The following AREL1 variants were observed in gnomAD, a reference collection of about 807,000 sequenced individuals.
The protein encoded by AREL1 is apoptosis resistant E3 ubiquitin protein ligase 1.
AREL1 carries 62 observed loss-of-function variants against 99.0 expected under a neutral mutation model. That is an observed-to-expected ratio of 0.63 (90% CI 0.51 to 0.77). AREL1 has a LOEUF of 0.77. AREL1 is among the 30% of genes least tolerant of loss of function. The probability of loss-of-function intolerance (pLI) is 0.00; values close to 1 mark genes in which losing one functional copy is unlikely to be tolerated. For synonymous variants in AREL1, 380 were observed against 376.5 expected (o/e 1.01, Z -0.11); for missense variants, 879 against 1,027.6 (o/e 0.86, Z 1.98).
intron 1 of AREL1, among the ~76,000 whole-genome samples, chr14:74,694,913 C>T (rs981427070): frequency 4.7e-5 from 7 of 147,488 alleles, no homozygotes; most frequent in African/African-American, 1.3e-4. Context: ...GGTGTGAACC[C>T]GGGAGGCGGA....
rs780533710 is a variant in AREL1, at chr14:74,664,009, C to T, written c.2259G>A (p.Gln753=). ...GTAGCTGAGAGGAGCCTGTTGTGAA[C>T]TGAAGTAGCCGAGCCAACTCCTCCT... ...LTQEELARLL[Q]FTTGSSQLPP... is the part of the protein sequence containing the mutation. Residue 753 remains glutamine (Q), a synonymous_variant, in exon 19 of 20, where the codon CAG becomes CAA. Coordinates refer to ENST00000356357, the MANE Select transcript of AREL1 (RefSeq NM_001039479.2). 1.2e-6 allele frequency: 2 copies of T among 1,614,188 alleles called. No individual in the cohort carries two copies. The highest frequency in any genetic ancestry group is 1.7e-6 in the Non-Finnish European group (2 of 1,180,028).
rs78780006 is a variant in AREL1 at position 74,677,817 on chromosome 14, T to TA, written c.482-1066dup. ...TGCCCAGCTAACCCTGTCTCTTTATTAAAAAAAAAAAAAAGAGGAAAAAAC... is the reference window on the plus strand; with the variant it reads ...TGCCCAGCTAACCCTGTCTCTTTATTAAAAAAAAAAAAAAAGAGGAAAAAAC... On this transcript the variant is annotated intron_variant, in intron 5 of 19. Transcript: ENST00000356357. 8.9e-3 allele frequency among the ~76,000 whole-genome samples: 1,214 copies of TA among 136,182 alleles called. 16 individuals are homozygous for TA. Among genetic ancestry groups the TA allele is most frequent in the African/African-American group, 0.022 (828 of 37,124 alleles). 89.3% of individuals were successfully genotyped at this position (136,182 alleles called of 152,430 possible).
chr14:74,688,184 C>A (rs2089791173), intron 2 of AREL1, among the ~76,000 whole-genome samples: 1 of 151,882 alleles, frequency 6.6e-6, no homozygotes, highest in African/African-American at 2.4e-5. Flanking sequence ...TGCCACCATG[C>A]CCAGCTAATT....
rs2089296615 is a variant in AREL1 at position 74,670,006 on chromosome 14, G to T, written c.1729C>A (p.Arg577=). 1 of 1,613,902 alleles carries T rather than the reference G, an allele frequency of 6.2e-7. No homozygotes were observed. The change falls in exon 14 of 20, where the codon CGA becomes AGA. Residue 577 remains arginine, a synonymous_variant. Transcript: ENST00000356357. ...AGGAAAGAGCGGGTGAAGCGAGCTC[G>T]GACCAACTGCTTGTAGGCTCCTCCT... ...SLGGAYKQLV[R]ARFTRSFLAQ...
At chr14:74,679,978 C>T (rs943741828) in intron 5 of AREL1, among the ~76,000 whole-genome samples, 3 of 151,776 alleles carry the variant, frequency 2.0e-5, no homozygotes, top group African/African-American at 7.3e-5. Flanking sequence ...GATTTCGAGA[C>T]CTGCCTGGCC....
Position 74,675,680 on chromosome 14 carries a change from C to T in AREL1, c.1080+19G>A, listed in dbSNP as rs764980029. 5 of 1,607,500 alleles carry T rather than the reference C, an allele frequency of 3.1e-6. No homozygotes were observed. The highest frequency in any genetic ancestry group is 2.2e-5 in the East Asian group (1 of 44,756). On this transcript the variant is annotated intron_variant, in intron 8 of 19. Transcript: ENST00000356357. ...AGGTTCAAGCAGGGGGATTTTATGT[C>T]GAGAATGGAAGGTCCAACCTTTGGT...
At position 74,661,605 on chromosome 14, in the gene AREL1, G is replaced by GA. The variant is rs34192596; in HGVS notation, c.*2114dup. 2,973 of 172,774 alleles carry GA rather than the reference G, an allele frequency of 0.017. 23 individuals are homozygous for GA. The highest frequency in any genetic ancestry group is 0.025 in the Non-Finnish European group (2,061 of 81,568). The allele number at this position is 172,774 out of a possible 1,614,324, so 10.7% of individuals were successfully genotyped here. ...ACTGGCTAGTATGAAAGCAGGATTAGAAAAAAAAAAAACAAAACAGTAAAA... is the reference window on the plus strand; with the variant it reads ...ACTGGCTAGTATGAAAGCAGGATTAGAAAAAAAAAAAAACAAAACAGTAAAA... On this transcript the variant is annotated 3_prime_UTR_variant, in exon 20 of 20. Coordinates refer to ENST00000356357, the MANE Select transcript of AREL1 (RefSeq NM_001039479.2).
At chr14:74,672,753 A>T in intron 11 of AREL1, 78 bp downstream of exon 11, 2 of 1,587,304 alleles carry the variant, frequency 1.3e-6, no homozygotes, top group East Asian at 2.2e-5. Flanking sequence ...AAACAAAAAC[A>T]AAAACAGTAA....
intron 1 of AREL1, among the ~76,000 whole-genome samples, chr14:74,698,347 A>C (rs927147239): frequency 7.2e-5 from 11 of 152,130 alleles, no homozygotes; most frequent in African/African-American, 2.4e-4. Context: ...AACACGTGTC[A>C]TTTATCTTCT....
chr14:74,686,901 A>C (rs17101964), intron 2 of AREL1, among the ~76,000 whole-genome samples: 1 of 152,174 alleles, frequency 6.6e-6, no homozygotes, highest in Non-Finnish European at 1.5e-5. Context: ...CAATATAAAG[A>C]GCCAAAATTT....
In AREL1 at chr14:74,675,927, G is replaced by A. The variant is rs371725347; in HGVS notation, c.852C>T (p.Val284=). 1.2e-5 allele frequency: 19 copies of A among 1,598,316 alleles called. No homozygotes were observed. The highest frequency in any genetic ancestry group is 5.4e-5 in the African/African-American group (4 of 74,594). ...CGCCTGAAGTGGACACATTGCGTTC[G>A]ACGATATTCTTCTCATCCTCTGAAG... ...IVLSEDEKNI[V]ERNVSTSGVS... Residue 284 remains valine, a synonymous_variant, in exon 8 of 20, where the codon GTC becomes GTT. Coordinates refer to ENST00000356357, the MANE Select transcript of AREL1 (RefSeq NM_001039479.2).
At chr14:74,671,348 G>GTTT in intron 12 of AREL1, 60 bp downstream of exon 12, 1 of 172,248 alleles carries the variant, frequency 5.8e-6, no homozygotes, top group Non-Finnish European at 1.2e-5. Flanking sequence ...TTTTTTTTGT[G>GTTT]GAGAAGGTGC....
Position 74,713,045 on chromosome 14 carries a change from G to T in AREL1, c.-446C>A. 1.5e-6 allele frequency: 2 copies of T among 1,330,244 alleles called. No individual in the cohort carries two copies. The highest frequency in any genetic ancestry group is 1.7e-5 in the Admixed American group (1 of 57,922). The allele number at this position is 1,330,244 out of a possible 1,614,324, so 82.4% of individuals were successfully genotyped here. A position where few individuals can be genotyped will look rare whatever the true frequency, so the allele number is the denominator to read the frequency against. On this transcript the variant is annotated 5_prime_UTR_variant, in exon 1 of 20. Coordinates refer to ENST00000356357, the MANE Select transcript of AREL1 (RefSeq NM_001039479.2). ...TCTCCCACCAACAGACCCCAGAGTT[G>T]GTCTCCACCCGGCCTGGGAACCGGC...
At chr14:74,685,485 C>A (rs745720205) in intron 3 of AREL1, 115 bp downstream of exon 3, 1 of 1,252,056 alleles carries the variant, frequency 8.0e-7, no homozygotes, top group South Asian at 1.3e-5. Flanking sequence ...CATTCTGGCA[C>A]GACTAGAAAT....
chr14:74,671,405 G>T lies in AREL1; in HGVS notation c.1498+3C>A. On this transcript the variant is annotated splice_donor_region_variant and intron_variant, in intron 12 of 19. Coordinates refer to ENST00000356357, the MANE Select transcript of AREL1 (RefSeq NM_001039479.2). ...AAGATGAATATAAAATTTCAAAACT[G>T]ACCTTCTTCATCCTGGAAAACAACC... is the stretch of plus-strand genomic sequence containing the variant. The T allele has an allele frequency of 7.5e-7, 1 of 1,333,352 alleles. No homozygotes were observed. Among genetic ancestry groups the T allele is most frequent in the Non-Finnish European group, 9.9e-7 (1 of 1,015,208 alleles). 82.6% of individuals were successfully genotyped at this position (1,333,352 alleles called of 1,614,324 possible). A position where few individuals can be genotyped will look rare whatever the true frequency, so the allele number is the denominator to read the frequency against.
intron 4 of AREL1, among the ~76,000 whole-genome samples, chr14:74,684,032 G>C (rs1332302117): frequency 2.0e-5 from 3 of 152,144 alleles, no homozygotes; most frequent in Non-Finnish European, 4.4e-5. Context: ...AAGTGCCAGA[G>C]AGTAAATATT....
At chr14:74,706,151 G>A (rs2090175151) in intron 1 of AREL1, among the ~76,000 whole-genome samples, 1 of 152,150 alleles carries the variant, frequency 6.6e-6, no homozygotes, top group South Asian at 2.1e-4. Context: ...AGGCCCCCAT[G>A]TTCCCATCTC....
At chr14:74,680,515 G>A (rs956125697) in intron 5 of AREL1, among the ~76,000 whole-genome samples, 3 of 152,070 alleles carry the variant, frequency 2.0e-5, no homozygotes, top group African/African-American at 7.2e-5. Context: ...AAGAAACTAA[G>A]CATACAACTC....
chr14:74,694,299 T>C (rs1467099064), intron 1 of AREL1, among the ~76,000 whole-genome samples: 2 of 152,218 alleles, frequency 1.3e-5, no homozygotes, highest in African/African-American at 4.8e-5. Context: ...ACTATATACG[T>C]AAGCTATAAG....
Sources: gnomAD v4.1 joint callset for allele counts (sites outside exome capture counted in the v4.1 genomes callset) on GRCh38, gnomAD v4.1.1 for gene constraint, MANE v1.5 for transcripts, NCBI Gene and HGNC (gene_info 2026-07-23, HGNC 2026-07-21) for gene names.